TBX19: variants seen among roughly 807,000 people sequenced by gnomAD.
TBX19 encodes T-box transcription factor 19.
In TBX19, 33 loss-of-function variants were observed where a neutral mutation model predicts 40.9. The observed-to-expected ratio is 0.81, with a 90% CI of 0.61 to 1.08. TBX19 has a LOEUF of 1.08. TBX19 is among the 50% of genes least tolerant of loss of function. The pLI is 0.00. For missense variants in TBX19, 494 were observed against 574.0 expected, an observed-to-expected ratio of 0.86 and a Z score of 1.42; for synonymous variants, 220 against 225.0, an observed-to-expected ratio of 0.98 and a Z score of 0.20.
intron 5 of TBX19, among the ~76,000 whole-genome samples, chr1:168,301,245 G>A (rs2102359611): frequency 6.6e-6 from 1 of 152,140 alleles, no homozygotes; most frequent in South Asian, 2.1e-4. Flanking sequence ...GCCGCATAAA[G>A]AGAAGCAGCT....
chr1:168,292,587 G>C (rs148623135), intron 2 of TBX19, among the ~76,000 whole-genome samples: 16 of 152,298 alleles, frequency 1.1e-4, no homozygotes, highest in South Asian at 1.0e-3. Context: ...CTCCTCAGCC[G>C]GGCGCGGTGG....
At chr1:168,293,808 C>T (rs961261047) in intron 3 of TBX19, among the ~76,000 whole-genome samples, 3 of 152,106 alleles carry the variant, frequency 2.0e-5, no homozygotes, top group African/African-American at 7.2e-5. Flanking sequence ...GAGTGGTTAG[C>T]GCCTGGCCTG....
intron 1 of TBX19, among the ~76,000 whole-genome samples, chr1:168,289,302 A>G (rs1052982874): frequency 1.8e-4 from 28 of 152,360 alleles, no homozygotes; most frequent in African/African-American, 6.7e-4. Context: ...ATTAAAATAT[A>G]TCGTAAAAGG....
At chr1:168,312,489 A>G (rs1649548834) in intron 7 of TBX19, among the ~76,000 whole-genome samples, 1 of 152,240 alleles carries the variant, frequency 6.6e-6, no homozygotes, top group Admixed American at 6.5e-5. Context: ...GGCCAGTACC[A>G]GAATACTTAA....
rs375204495 is a variant in TBX19 at position 168,300,374 on chromosome 1, A to T, written c.666-48A>T. On this transcript the variant is annotated intron_variant, in intron 4 of 7. Coordinates refer to ENST00000367821, the MANE Select transcript of TBX19 (RefSeq NM_005149.3). The stretch of plus-strand genomic sequence containing the variant: ...ATTTTGGGTATGCTTTATAGTGGAC[A>T]TACATAAAAAGTTGGACAGCCATGG... 304 of 1,572,230 alleles carry T rather than the reference A, an allele frequency of 1.9e-4. 1 individual carries two copies. Among genetic ancestry groups the T allele is most frequent in the Non-Finnish European group, 2.4e-4 (279 of 1,143,490 alleles).
At chr1:168,284,768 C>CAAAAAAAAAA (rs146281397) in intron 1 of TBX19, among the ~76,000 whole-genome samples, 1 of 75,022 alleles carries the variant, frequency 1.3e-5, no homozygotes, top group African/African-American at 5.2e-5. Flanking sequence ...GACCGTGTCT[C>CAAAAAAAAAA]AAAAAAAAAA....
chr1:168,293,096 T>C (rs1189139168), intron 2 of TBX19, 48 bp from the exon 3 acceptor site: 1 of 1,609,624 alleles, frequency 6.2e-7, no homozygotes, highest in South Asian at 1.1e-5. Flanking sequence ...TCACCTGCGA[T>C]ACACGGGGCT....
intron 4 of TBX19, among the ~76,000 whole-genome samples, chr1:168,297,993 G>C (rs192506482): frequency 6.6e-6 from 1 of 152,072 alleles, no homozygotes; most frequent in Non-Finnish European, 1.5e-5. Flanking sequence ...TCAGGAGATC[G>C]AGACCATCCT....
At chr1:168,284,389 T>C (rs1000623680) in intron 1 of TBX19, among the ~76,000 whole-genome samples, 4 of 152,108 alleles carry the variant, frequency 2.6e-5, no homozygotes, top group Admixed American at 2.0e-4. Context: ...ATAAATTAAA[T>C]TGCTTGCTAG....
chr1:168,296,864 G>A (rs144042853), intron 3 of TBX19, among the ~76,000 whole-genome samples: 7 of 145,752 alleles, frequency 4.8e-5, no homozygotes, highest in Non-Finnish European at 7.4e-5. Flanking sequence ...CAAGACTCCC[G>A]TCTCAAAAAA....
chr1:168,293,454 C>G (rs1010940822), intron 3 of TBX19, among the ~76,000 whole-genome samples, 176 bp downstream of exon 3: 1 of 152,100 alleles, frequency 6.6e-6, no homozygotes, highest in Admixed American at 6.6e-5. Flanking sequence ...CTCTCCCTCC[C>G]TCTTGGCTGT....
rs1648927673 is a variant in TBX19 at position 168,291,099 on chromosome 1, G to A, written c.204-61G>A. On this transcript the variant is annotated intron_variant, in intron 1 of 7. Transcript: ENST00000367821. ...AAGGTCTCAGTATTGAGAGGCCCCT[G>A]GACAAGGTGAGAGTTCCTCTAACGT... The A allele has an allele frequency of 7.4e-6, 12 of 1,611,684 alleles. No homozygotes were observed. The South Asian group carries it at 1.1e-4, about 15-fold the overall frequency.
chr1:168,291,021 G>A (rs990728221), intron 1 of TBX19, 139 bp from the exon 2 acceptor site: 17 of 1,007,282 alleles, frequency 1.7e-5, no homozygotes, highest in Middle Eastern at 2.6e-4. Flanking sequence ...AGTAGAATTG[G>A]GGTTGTGGAC....
At chr1:168,304,410 C>T (rs1384509037) in intron 5 of TBX19, among the ~76,000 whole-genome samples, 1 of 152,080 alleles carries the variant, frequency 6.6e-6, no homozygotes, top group Non-Finnish European at 1.5e-5. Flanking sequence ...CAGGTGGAGC[C>T]ACTGGTGTCA....
In TBX19 at chr1:168,281,068, T is replaced by G. The variant is rs1479989128; in HGVS notation, c.-23T>G. On this transcript the variant is annotated 5_prime_UTR_variant, in exon 1 of 8. Coordinates refer to ENST00000367821, the MANE Select transcript of TBX19 (RefSeq NM_005149.3). ...AAGCAGGCAAGTTGGGTAACGGCTC[T>G]CGGCAAAGTTCGAGAAGTGCCTATG... 1.2e-6 allele frequency: 2 copies of G among 1,613,414 alleles called. No individual in the cohort carries two copies. Among genetic ancestry groups the G allele is most frequent in the Non-Finnish European group, 1.7e-6 (2 of 1,179,708 alleles).
intron 5 of TBX19, among the ~76,000 whole-genome samples, chr1:168,301,144 G>T (rs1380040392): frequency 6.6e-6 from 1 of 152,196 alleles, no homozygotes; most frequent in Non-Finnish European, 1.5e-5. Flanking sequence ...GGCTTGCAAA[G>T]ATCCCTTATG....
At chr1:168,289,432 T>G (rs1214244623) in intron 1 of TBX19, among the ~76,000 whole-genome samples, 1 of 151,844 alleles carries the variant, frequency 6.6e-6, no homozygotes, top group Non-Finnish European at 1.5e-5. Flanking sequence ...CTAGAGGAGG[T>G]GTATCATTTT....
intron 5 of TBX19, among the ~76,000 whole-genome samples, chr1:168,301,291 C>G (rs1254689043): frequency 6.6e-6 from 1 of 151,218 alleles, no homozygotes; most frequent in Admixed American, 6.6e-5. Context: ...GAGATGGAGT[C>G]TCGCTCTGTT....
chr1:168,308,691 C>T, intron 6 of TBX19, 51 bp from the exon 7 acceptor site: 1 of 1,613,206 alleles, frequency 6.2e-7, no homozygotes, highest in Non-Finnish European at 8.5e-7. Context: ...TGGTCACCAT[C>T]TTTATGTCTT....
Sources: gnomAD v4.1 joint callset for allele counts (sites outside exome capture counted in the v4.1 genomes callset) on GRCh38, gnomAD v4.1.1 for gene constraint, MANE v1.5 for transcripts, NCBI Gene and HGNC (gene_info 2026-07-23, HGNC 2026-07-21) for gene names.